KSR2: variants seen among roughly 807,000 people sequenced by gnomAD.
The protein encoded by KSR2 is kinase suppressor of ras 2.
In KSR2, 25 loss-of-function variants were observed where a neutral mutation model predicts 107.8. That is an observed-to-expected ratio of 0.23 (90% CI 0.17 to 0.32). The LOEUF (loss-of-function observed/expected upper bound fraction) is 0.32. Among genes scored for constraint, KSR2 ranks in the 10% least tolerant of loss-of-function variants. The probability of loss-of-function intolerance (pLI) is 1.00; values close to 1 mark genes in which losing one functional copy is unlikely to be tolerated. For missense variants in KSR2, 887 were observed against 1,268.9 expected, an observed-to-expected ratio of 0.70 and a Z score of 4.57; for synonymous variants, 480 against 507.0, an observed-to-expected ratio of 0.95 and a Z score of 0.71.
chr12:117,766,523 T>C (rs1036518992), intron 3 of KSR2, among the ~76,000 whole-genome samples: 3 of 152,162 alleles, frequency 2.0e-5, no homozygotes, highest in African/African-American at 7.2e-5. Flanking sequence ...CTGGTTTACT[T>C]CGAAATGATT....
intron 14 of KSR2, among the ~76,000 whole-genome samples, chr12:117,507,697 CT>C (rs759527970): frequency 5.8e-4 from 89 of 152,268 alleles, no homozygotes; most frequent in Non-Finnish European, 1.1e-3. Flanking sequence ...ACCTACCCCC[CT>C]GCGATCTTGT....
intron 4 of KSR2, among the ~76,000 whole-genome samples, chr12:117,755,635 G>C (rs998122136): frequency 2.0e-5 from 3 of 152,130 alleles, no homozygotes; most frequent in African/African-American, 7.2e-5. Context: ...ATTGAAATTA[G>C]CCTGATTAAT....
chr12:117,896,616 C>T (rs535635465), intron 1 of KSR2, among the ~76,000 whole-genome samples: 2 of 152,162 alleles, frequency 1.3e-5, no homozygotes, highest in East Asian at 1.9e-4. Context: ...TGTGCCACCA[C>T]GCCTGGCTAA....
intron 1 of KSR2, among the ~76,000 whole-genome samples, chr12:117,887,364 G>A (rs2393376): frequency 6.6e-6 from 1 of 151,952 alleles, no homozygotes; most frequent in Non-Finnish European, 1.5e-5. Flanking sequence ...GGCCTCCCAA[G>A]TGCTGGGATT....
At chr12:117,549,673 T>A (rs978177662) in intron 9 of KSR2, among the ~76,000 whole-genome samples, 7 of 152,116 alleles carry the variant, frequency 4.6e-5, no homozygotes, top group Admixed American at 1.3e-4. Context: ...GAGAGAGGAA[T>A]AGAGGAGGAA....
At chr12:117,787,073 C>A (rs985508167) in intron 3 of KSR2, among the ~76,000 whole-genome samples, 1 of 151,978 alleles carries the variant, frequency 6.6e-6, no homozygotes, top group Non-Finnish European at 1.5e-5. Context: ...GCTCAAACAT[C>A]AAGCTTCCTT....
intron 5 of KSR2, among the ~76,000 whole-genome samples, chr12:117,616,547 T>C (rs547424029): frequency 2.6e-5 from 4 of 152,300 alleles, no homozygotes; most frequent in East Asian, 1.9e-4. Context: ...CACTCTCTCC[T>C]TGGGGTCAGC....
intron 14 of KSR2, among the ~76,000 whole-genome samples, chr12:117,491,659 T>C (rs962966842): frequency 2.0e-5 from 3 of 152,192 alleles, no homozygotes; most frequent in African/African-American, 7.2e-5. Flanking sequence ...TGATTCCATA[T>C]CTTGGCTATT....
chr12:117,655,972 G>C (rs557266418), intron 5 of KSR2, among the ~76,000 whole-genome samples: 1 of 152,176 alleles, frequency 6.6e-6, no homozygotes, highest in South Asian at 2.1e-4. Context: ...CTTCAGGAAT[G>C]AAGGTTTGTG....
intron 1 of KSR2, among the ~76,000 whole-genome samples, chr12:117,923,038 G>A (rs1310494753): frequency 6.6e-6 from 1 of 152,110 alleles, no homozygotes; most frequent in Non-Finnish European, 1.5e-5. Context: ...CTTTTTTGGT[G>A]ACTTCACTAT....
intron 3 of KSR2, among the ~76,000 whole-genome samples, chr12:117,795,574 C>A (rs138974363): frequency 1.3e-5 from 2 of 152,138 alleles, no homozygotes; most frequent in Non-Finnish European, 2.9e-5. Context: ...AAAGAGGTTG[C>A]GACAGCTTCC....
At chr12:117,933,459 G>A (rs536138081) in intron 1 of KSR2, among the ~76,000 whole-genome samples, 78 of 152,062 alleles carry the variant, frequency 5.1e-4, no homozygotes, top group South Asian at 1.0e-3. Flanking sequence ...GTGTGGTGGC[G>A]GGCGCCTGTG....
intron 3 of KSR2, among the ~76,000 whole-genome samples, chr12:117,850,317 G>T (rs1892874236): frequency 6.6e-6 from 1 of 152,200 alleles, no homozygotes; most frequent in African/African-American, 2.4e-5. Context: ...GCCTCATAGA[G>T]AACCAGGCTT....
intron 3 of KSR2, among the ~76,000 whole-genome samples, chr12:117,826,593 T>C (rs945989735): frequency 1.3e-5 from 2 of 152,076 alleles, no homozygotes; most frequent in African/African-American, 4.8e-5. Context: ...ATTCAGAGAA[T>C]GACAAGCAAG....
intron 1 of KSR2, among the ~76,000 whole-genome samples, chr12:117,867,674 C>T (rs911278936): frequency 6.6e-6 from 1 of 152,170 alleles, no homozygotes; most frequent in African/African-American, 2.4e-5. Context: ...TCAGGTTTTC[C>T]CAGACGTCCC....
At position 117,855,058 on chromosome 12, in the gene KSR2, TAA is replaced by T. The variant is rs141357896; in HGVS notation, c.472+368_472+369del. Among the ~76,000 whole-genome samples, 7 of 150,988 alleles carry T rather than the reference TAA, an allele frequency of 4.6e-5. No individual in the cohort carries two copies. The South Asian group carries it at 6.3e-4, about 14-fold the overall frequency. The stretch of plus-strand genomic sequence containing the variant: ...TACAATTAATGCAAATTACTTCTGT[TAA>T]AAAAAAAATTAGAAGCTAGACATTG... On this transcript the variant is annotated intron_variant, in intron 3 of 19. Coordinates refer to ENST00000339824, the MANE Select transcript of KSR2 (RefSeq NM_173598.6).
At chr12:117,862,728 CTTTT>C (rs60357744) in intron 1 of KSR2, among the ~76,000 whole-genome samples, 6 of 135,570 alleles carry the variant, frequency 4.4e-5, no homozygotes, top group Admixed American at 7.3e-5. Context: ...CATTCCCCCC[CTTTT>C]TTTTTTTTTT....
At chr12:117,923,713 G>A (rs150113195) in intron 1 of KSR2, among the ~76,000 whole-genome samples, 39 of 151,990 alleles carry the variant, frequency 2.6e-4, no homozygotes, top group South Asian at 8.3e-4. Context: ...GTATATATAC[G>A]TATATATAAC....
At chr12:117,555,357 C>T (rs1877606079) in intron 8 of KSR2, 64 bp from the exon 9 acceptor site, 28 of 1,561,936 alleles carry the variant, frequency 1.8e-5, no homozygotes, top group South Asian at 2.3e-5. Flanking sequence ...TATGCCAGGA[C>T]GGCATAGCTC....
Sources: allele counts gnomAD v4.1 joint callset (sites outside exome capture counted in the v4.1 genomes callset), GRCh38; gene constraint gnomAD v4.1.1; transcripts MANE v1.5; gene names NCBI Gene and HGNC (gene_info 2026-07-23, HGNC 2026-07-21).